The following FHIP1A variants were observed in gnomAD, a reference collection of about 807,000 sequenced individuals.
FHIP1A encodes FHF complex subunit HOOK interacting protein 1A, also known as FHF complex subunit HOOK-interacting protein 1A.
A neutral mutation model predicts 88.6 loss-of-function variants in FHIP1A; 61 were observed. The ratio of observed to expected loss-of-function variants is 0.69; its 90% CI spans 0.56 to 0.85. FHIP1A has a LOEUF of 0.85. Among genes scored for constraint, FHIP1A ranks in the 40% least tolerant of loss-of-function variants. The probability of loss-of-function intolerance (pLI) is 0.00; values close to 1 mark genes in which losing one functional copy is unlikely to be tolerated. For missense variants in FHIP1A, 1,154 were observed against 1,273.5 expected (o/e 0.91, Z 1.43); for synonymous variants, 478 against 496.0 (o/e 0.96, Z 0.48).
chr4:151,431,668 G>T (rs1733598468), intron 1 of FHIP1A, among the ~76,000 whole-genome samples: 1 of 152,104 alleles, frequency 6.6e-6, no homozygotes, highest in South Asian at 2.1e-4. Context: ...ATGCTGTAAG[G>T]TCATGAAAAG....
intron 1 of FHIP1A, among the ~76,000 whole-genome samples, chr4:151,430,662 G>T (rs528326866): frequency 6.6e-6 from 1 of 152,222 alleles, no homozygotes; most frequent in Admixed American, 6.5e-5. Context: ...AACACTTTTG[G>T]ATATACTGAA....
At chr4:151,585,075 A>G (rs552914487) in intron 5 of FHIP1A, among the ~76,000 whole-genome samples, 4 of 151,740 alleles carry the variant, frequency 2.6e-5, no homozygotes, top group Non-Finnish European at 5.9e-5. Context: ...GTATGTCACT[A>G]TTTCTTTTCT....
chr4:151,459,168 A>AT (rs201434725), intron 2 of FHIP1A, among the ~76,000 whole-genome samples: 2,061 of 151,764 alleles, frequency 0.014, 22 homozygotes, highest in Non-Finnish European at 0.023. Flanking sequence ...CCTAAAGAGA[A>AT]TTTTTTTTTA....
intron 3 of FHIP1A, among the ~76,000 whole-genome samples, chr4:151,485,530 G>T (rs1453850486): frequency 6.6e-6 from 1 of 151,712 alleles, no homozygotes; most frequent in Non-Finnish European, 1.5e-5. Context: ...ACTTCACCTG[G>T]GAACTTGTTG....
At chr4:151,511,934 T>G (rs1731049826) in intron 3 of FHIP1A, among the ~76,000 whole-genome samples, 1 of 152,228 alleles carries the variant, frequency 6.6e-6, no homozygotes, top group South Asian at 2.1e-4. Context: ...AAGAGAGCAG[T>G]GGTTCTCCCA....
intron 7 of FHIP1A, among the ~76,000 whole-genome samples, chr4:151,627,785 G>A (rs1177474388): frequency 2.6e-5 from 4 of 152,246 alleles, no homozygotes; most frequent in Non-Finnish European, 4.4e-5. Context: ...CACATGTAGA[G>A]GATAAAGGAT....
chr4:151,649,607 C>A lies in FHIP1A; in HGVS notation c.1566C>A (p.Ser522=). 6.4e-7 allele frequency: 1 copy of A among 1,551,698 alleles called. No homozygotes were observed. The highest frequency in any genetic ancestry group is 2.4e-5 in the East Asian group (1 of 40,912). ...LRCMRDCRVW[S]ALYDGDSPDP... is the part of the protein sequence containing the mutation. Reference sequence around the variant, plus strand: ...GCATGAGGGACTGCCGTGTCTGGTCCGCCCTGTATGATGGCGACTCCCCCG... The same window carrying A: ...GCATGAGGGACTGCCGTGTCTGGTCAGCCCTGTATGATGGCGACTCCCCCG... Residue 522 remains serine, a synonymous_variant, in exon 11 of 14, where the codon TCC becomes TCA. Transcript: ENST00000435205.
chr4:151,537,436 CT>C (rs1434811752), intron 3 of FHIP1A, among the ~76,000 whole-genome samples: 1 of 152,042 alleles, frequency 6.6e-6, no homozygotes, highest in Admixed American at 6.6e-5. Context: ...CTGTTCATGT[CT>C]TTTGCCCCTT....
intron 1 of FHIP1A, among the ~76,000 whole-genome samples, chr4:151,426,155 C>T (rs1317884613): frequency 1.3e-5 from 2 of 152,026 alleles, no homozygotes; most frequent in East Asian, 1.9e-4. Flanking sequence ...TCAAAATTGG[C>T]AATCCATTCA....
intron 9 of FHIP1A, among the ~76,000 whole-genome samples, chr4:151,643,031 A>G (rs986390913): frequency 1.3e-5 from 2 of 151,584 alleles, no homozygotes; most frequent in African/African-American, 4.8e-5. Flanking sequence ...GATTATTTTT[A>G]TAGTTTCATG....
intron 3 of FHIP1A, among the ~76,000 whole-genome samples, chr4:151,496,543 CATTT>C (rs1730468291): frequency 6.6e-6 from 1 of 151,736 alleles, no homozygotes; most frequent in Non-Finnish European, 1.5e-5. Flanking sequence ...GAATAGATTA[CATTT>C]ATTTATTTAT....
At chr4:151,599,784 G>A (rs1734792906) in intron 7 of FHIP1A, among the ~76,000 whole-genome samples, 1 of 152,186 alleles carries the variant, frequency 6.6e-6, no homozygotes, top group Non-Finnish European at 1.5e-5. Context: ...GGCCACTAAC[G>A]TGGTAGATGG....
rs1421415510 is a variant in FHIP1A, at chr4:151,668,808, C to T, written c.*6054C>T. ...CCCACCAGAACCCTCCAACCTCCTC[C>T]CCAGGCAACAGAACACAGGGTTTGG... is the stretch of plus-strand genomic sequence containing the variant. On this transcript the variant is annotated 3_prime_UTR_variant, in exon 14 of 14. Coordinates refer to ENST00000435205, the MANE Select transcript of FHIP1A (RefSeq NM_001109977.3). Among the ~76,000 whole-genome samples, 1 of 151,544 alleles carries T rather than the reference C, an allele frequency of 6.6e-6. No homozygotes were observed. The highest frequency in any genetic ancestry group is 1.9e-4 in the East Asian group (1 of 5,180).
At chr4:151,492,453 G>T (rs28866051) in intron 3 of FHIP1A, among the ~76,000 whole-genome samples, 15,332 of 151,892 alleles carry the variant, frequency 0.1, 1,385 homozygotes, top group South Asian at 0.27. Flanking sequence ...TTAGCTGGGT[G>T]TTGTGGTGTG....
intron 2 of FHIP1A, among the ~76,000 whole-genome samples, chr4:151,468,284 CAAAAAAAAAAAA>C (rs921242622): frequency 7.8e-5 from 3 of 38,324 alleles, no homozygotes; most frequent in African/African-American, 1.9e-4. Flanking sequence ...GACTCCATCT[CAAAAAAAAAAAA>C]AAAAAAAAAA....
chr4:151,435,000 G>T (rs1733747280), intron 1 of FHIP1A, among the ~76,000 whole-genome samples: 1 of 152,002 alleles, frequency 6.6e-6, no homozygotes, highest in African/African-American at 2.4e-5. Context: ...AATAGTTTTA[G>T]GTATTTTGGG....
intron 4 of FHIP1A, among the ~76,000 whole-genome samples, chr4:151,568,704 T>G (rs1216929273): frequency 6.6e-6 from 1 of 152,028 alleles, no homozygotes; most frequent in Non-Finnish European, 1.5e-5. Flanking sequence ...ATAACCATGA[T>G]TACAGGAATT....
intron 3 of FHIP1A, among the ~76,000 whole-genome samples, chr4:151,533,205 G>C (rs531087968): frequency 6.6e-6 from 1 of 152,146 alleles, no homozygotes; most frequent in Non-Finnish European, 1.5e-5. Flanking sequence ...CCCCAGCCTG[G>C]TTGACGTGGC....
Position 151,468,736 on chromosome 4 carries a change from C to T in FHIP1A, c.-247-13788C>T, listed in dbSNP as rs141295910. On this transcript the variant is annotated intron_variant, in intron 2 of 13. Transcript: ENST00000435205. ...TCAAAGGAAGTGATTTTCTGCTTAACTTACCAGGGCCTCATTTGTCTGAAT... is the reference window on the plus strand; with the variant it reads ...TCAAAGGAAGTGATTTTCTGCTTAATTTACCAGGGCCTCATTTGTCTGAAT... Among the ~76,000 whole-genome samples, 630 of 152,312 alleles carry T rather than the reference C, an allele frequency of 4.1e-3. 7 individuals carry two copies. The highest frequency in any genetic ancestry group is 0.014 in the African/African-American group (566 of 41,578).
Sources: gnomAD v4.1 joint callset for allele counts (sites outside exome capture counted in the v4.1 genomes callset) on GRCh38, gnomAD v4.1.1 for gene constraint, MANE v1.5 for transcripts, NCBI Gene and HGNC (gene_info 2026-07-23, HGNC 2026-07-21) for gene names.